The following GAD1 variants were observed in gnomAD, a reference collection of about 807,000 sequenced individuals.
GAD1 encodes the protein glutamate decarboxylase 1.
A neutral mutation model predicts 75.2 loss-of-function variants in GAD1; 35 were observed. The ratio of observed to expected loss-of-function variants is 0.47; its 90% CI spans 0.36 to 0.62. The LOEUF is 0.62. GAD1 is among the 20% of genes least tolerant of loss of function. The probability of loss-of-function intolerance (pLI) is 0.00; values close to 1 mark genes in which losing one functional copy is unlikely to be tolerated. For missense variants in GAD1, 490 were observed against 758.5 expected (o/e 0.65, Z 4.16); for synonymous variants, 257 against 271.9 (o/e 0.95, Z 0.54).
chr2:170,850,891 G>A (rs1702731984), intron 12 of GAD1, among the ~76,000 whole-genome samples: 1 of 152,094 alleles, frequency 6.6e-6, no homozygotes, highest in African/African-American at 2.4e-5. Context: ...GTGCACACCT[G>A]TAATTCTAGC....
chr2:170,827,587 G>A (rs899499248), intron 3 of GAD1, among the ~76,000 whole-genome samples: 2 of 152,128 alleles, frequency 1.3e-5, no homozygotes, highest in South Asian at 4.1e-4. Flanking sequence ...GCTCACCTTG[G>A]GCAGGAGAAC....
intron 3 of GAD1, among the ~76,000 whole-genome samples, chr2:170,823,784 C>A (rs926698624): frequency 6.6e-6 from 1 of 151,988 alleles, no homozygotes; most frequent in South Asian, 2.1e-4. Context: ...CAGAACTGAG[C>A]GAGCCCTGGG....
At chr2:170,815,089 C>A (rs1297459968), upstream of GAD1, among the ~76,000 whole-genome samples, 1 of 152,126 alleles carries the variant, frequency 6.6e-6, no homozygotes, top group Non-Finnish European at 1.5e-5. Context: ...CTGATTGGTG[C>A]GAGCGTCTCG....
intron 5 of GAD1, among the ~76,000 whole-genome samples, chr2:170,833,980 G>A (rs558499033): frequency 1.0e-3 from 159 of 151,790 alleles, no homozygotes; most frequent in Non-Finnish European, 1.6e-3. Flanking sequence ...TCCAGCCTGG[G>A]TGACAGCAGG....
At chr2:170,821,922 C>G (rs1464682754) in intron 2 of GAD1, 165 bp from the exon 3 acceptor site, 2 of 673,902 alleles carry the variant, frequency 3.0e-6, no homozygotes, top group Non-Finnish European at 5.4e-6. Flanking sequence ...AGAGTATATG[C>G]CTGTCGGCTC....
chr2:170,842,744 T>C (rs956405385), intron 6 of GAD1: 5 of 1,558,708 alleles, frequency 3.2e-6, no homozygotes, highest in Non-Finnish European at 3.5e-6. Flanking sequence ...GGAAATAAAA[T>C]ACTTCTACCA....
intron 6 of GAD1, among the ~76,000 whole-genome samples, chr2:170,840,289 CTT>C (rs1388588276): frequency 2.6e-5 from 4 of 152,156 alleles, no homozygotes; most frequent in Non-Finnish European, 1.5e-5. Flanking sequence ...TTTCCTGACT[CTT>C]TTATTTCTGT....
chr2:170,856,870 A>G, intron 14 of GAD1, 148 bp from the exon 15 acceptor site: 1 of 736,876 alleles, frequency 1.4e-6, no homozygotes, highest in Non-Finnish European at 2.5e-6. Context: ...TCTGTGAAAA[A>G]GCTGACATAT....
intron 12 of GAD1, among the ~76,000 whole-genome samples, chr2:170,849,933 T>G (rs947211592): frequency 2.6e-5 from 4 of 152,256 alleles, no homozygotes; most frequent in African/African-American, 9.6e-5. Flanking sequence ...TAACTTATTT[T>G]CTTTTTCACT....
intron 3 of GAD1, among the ~76,000 whole-genome samples, chr2:170,824,412 CACACACA>C (rs1701975958): frequency 6.7e-6 from 1 of 148,656 alleles, no homozygotes; most frequent in African/African-American, 2.5e-5. Flanking sequence ...CACACACACA[CACACACA>C]CCCCTCCCTT....
chr2:170,825,959 A>T (rs1702014734), intron 3 of GAD1, among the ~76,000 whole-genome samples: 1 of 151,946 alleles, frequency 6.6e-6, no homozygotes, highest in African/African-American at 2.4e-5. Flanking sequence ...CAAGGCACTG[A>T]CCTCCATGTC....
intron 3 of GAD1, among the ~76,000 whole-genome samples, chr2:170,827,804 T>G (rs1002885840): frequency 6.6e-6 from 1 of 152,190 alleles, no homozygotes; most frequent in East Asian, 1.9e-4. Flanking sequence ...GCAAAGTGTT[T>G]TTGTACAACA....
chr2:170,831,059 G>A lies in GAD1; in HGVS notation c.414G>A (p.Val138=). ...VRKTFDRSTK[V]LDFHHPHQLL... The stretch of plus-strand genomic sequence containing the variant: ...AGACATTTGATCGCTCCACCAAGGT[G>A]CTGGACTTTCATCACCCACACCAGT... Residue 138 remains valine, a synonymous_variant, in exon 5 of 17, where the codon GTG becomes GTA. Transcript: ENST00000358196. The A allele has an allele frequency of 1.9e-6, 3 of 1,614,214 alleles. No individual in the cohort carries two copies. The highest frequency in any genetic ancestry group is 2.5e-6 in the Non-Finnish European group (3 of 1,180,044).
At position 170,818,397 on chromosome 2, in the gene GAD1, G is replaced by C; in HGVS notation, c.-63-132G>C. ...CTGCGCACCCCTACCAGGCAGGCTC[G>C]CTGCCTTTCCTCCCTCTTGTCTCTC... On this transcript the variant is annotated intron_variant, in intron 1 of 16. Coordinates refer to ENST00000358196, the MANE Select transcript of GAD1 (RefSeq NM_000817.3). The surrounding 1 kb of genome is among the most constrained non-coding windows in gnomAD (Gnocchi z 5.9). 1.6e-6 allele frequency: 1 copy of C among 626,854 alleles called. No individual in the cohort carries two copies. The highest frequency in any genetic ancestry group is 1.8e-5 in the South Asian group (1 of 54,480). The allele number at this position is 626,854 out of a possible 1,614,324, so 38.8% of individuals were successfully genotyped here.
chr2:170,844,003 CTTCT>C (rs1702577941), intron 6 of GAD1, 38 bp from the exon 7 acceptor site: 4 of 1,114,590 alleles, frequency 3.6e-6, no homozygotes, highest in African/African-American at 3.1e-5. Flanking sequence ...AGTGGTTTGA[CTTCT>C]TTATTTTCTT....
chr2:170,818,424 A>T lies in GAD1; in HGVS notation c.-63-105A>T. 1.4e-6 allele frequency: 1 copy of T among 701,126 alleles called. No individual in the cohort carries two copies. The highest frequency in any genetic ancestry group is 1.6e-5 in the South Asian group (1 of 63,240). The allele number at this position is 701,126 out of a possible 1,614,324, so 43.4% of individuals were successfully genotyped here. A position where few individuals can be genotyped will look rare whatever the true frequency, so the allele number is the denominator to read the frequency against. On this transcript the variant is annotated intron_variant, in intron 1 of 16. Transcript: ENST00000358196. This position sits in a 1 kb window ranked among gnomAD's most constrained non-coding sequence, Gnocchi z 5.9. ...TGCCTTTCCTCCCTCTTGTCTCTCCAGAGCCGGATCTTCAAGGGGAGCCTC... is the reference window on the plus strand; with the variant it reads ...TGCCTTTCCTCCCTCTTGTCTCTCCTGAGCCGGATCTTCAAGGGGAGCCTC...
At chr2:170,848,508 A>AG (rs1702682906) in intron 11 of GAD1, among the ~76,000 whole-genome samples, 1 of 151,884 alleles carries the variant, frequency 6.6e-6, no homozygotes, top group Admixed American at 6.6e-5. Context: ...AAAAAAAAAA[A>AG]AAAAGAAAAA....
chr2:170,854,808 T>C (rs1702816903), intron 14 of GAD1, among the ~76,000 whole-genome samples: 1 of 152,226 alleles, frequency 6.6e-6, no homozygotes, highest in African/African-American at 2.4e-5. Context: ...TACACCATTC[T>C]GGAAAATGTA....
chr2:170,854,092 C>A (rs1702801936), intron 14 of GAD1, 70 bp downstream of exon 14: 4 of 1,495,688 alleles, frequency 2.7e-6, no homozygotes, highest in East Asian at 2.3e-5. Context: ...AAAAGAGGGG[C>A]AAAGATATAT....
Sources: gnomAD v4.1 joint callset for allele counts (sites outside exome capture counted in the v4.1 genomes callset) on GRCh38, gnomAD v4.1.1 for gene constraint, Gnocchi (gnomAD v3.1) non-coding constraint, MANE v1.5 for transcripts, NCBI Gene and HGNC (gene_info 2026-07-23, HGNC 2026-07-21) for gene names.